The following PIK3CA variants were observed in gnomAD, a reference collection of about 807,000 sequenced individuals.
The protein encoded by PIK3CA is phosphatidylinositol 4,5-bisphosphate 3-kinase catalytic subunit alpha isoform.
PIK3CA carries 27 observed loss-of-function variants against 138.2 expected under a neutral mutation model. That is an observed-to-expected ratio of 0.20 (90% CI 0.14 to 0.27). The LOEUF is 0.27. PIK3CA is among the 10% of genes least tolerant of loss of function. The pLI is 1.00. For missense variants in PIK3CA, 544 were observed against 1,277.4 expected (o/e 0.43, Z 8.75); for synonymous variants, 358 against 413.2 (o/e 0.87, Z 1.62).
chr3:179,234,647 C>A lies in PIK3CA; in HGVS notation c.*283C>A, dbSNP rs577565711. On this transcript the variant is annotated 3_prime_UTR_variant, in exon 21 of 21. Transcript: ENST00000263967. This position sits in a 1 kb window ranked among gnomAD's most constrained non-coding sequence, Gnocchi z 5.1. ...GGTAAACTTTGAAGATTGTTTGTATCTTTTTTTAAAAAACAAAACAAAACA... is the reference window on the plus strand; with the variant it reads ...GGTAAACTTTGAAGATTGTTTGTATATTTTTTTAAAAAACAAAACAAAACA... The A allele has an allele frequency of 2.1e-5, 6 of 284,734 alleles. No individual in the cohort carries two copies. Among genetic ancestry groups the A allele is most frequent in the African/African-American group, 1.3e-4 (6 of 46,626 alleles). 17.6% of individuals were successfully genotyped at this position (284,734 alleles called of 1,614,324 possible).
intron 1 of PIK3CA, among the ~76,000 whole-genome samples, chr3:179,170,687 G>A (rs969996604): frequency 6.6e-6 from 1 of 152,128 alleles, no homozygotes; most frequent in Admixed American, 6.5e-5. Flanking sequence ...AAGAAAAGGA[G>A]TATTATTAGA....
chr3:179,223,183 A>C (rs527279768), intron 14 of PIK3CA, among the ~76,000 whole-genome samples: 40 of 152,348 alleles, frequency 2.6e-4, no homozygotes, highest in African/African-American at 9.1e-4. Context: ...CTATCTAGTC[A>C]GTGATGATTA....
intron 1 of PIK3CA, 25 bp from the exon 2 acceptor site, chr3:179,198,725 C>G (rs1724329139): frequency 1.7e-6 from 1 of 605,010 alleles, no homozygotes. Context: ...TCTCTTTTAA[C>G]ATATGTTTTC....
At chr3:179,170,076 GCACACACA>G (rs60084117) in intron 1 of PIK3CA, among the ~76,000 whole-genome samples, 44 of 139,210 alleles carry the variant, frequency 3.2e-4, no homozygotes, top group African/African-American at 1.3e-3. Context: ...ACGCGCGCGC[GCACACACA>G]CACACACACA....
chr3:179,179,796 A>G (rs1723793828), intron 1 of PIK3CA, among the ~76,000 whole-genome samples: 1 of 152,160 alleles, frequency 6.6e-6, no homozygotes. Flanking sequence ...TTTTGCCTTG[A>G]TTTTTGTTTT....
chr3:179,232,696 G>C (rs1725240046), intron 20 of PIK3CA, among the ~76,000 whole-genome samples: 1 of 151,744 alleles, frequency 6.6e-6, no homozygotes. Flanking sequence ...TCACCCCCTT[G>C]GTTAAGTACA....
Position 179,174,209 on chromosome 3 carries a change from G to A in PIK3CA, c.-76-24541G>A, listed in dbSNP as rs924420145. ...CATCAGGCCGAGCATGGTGGCTCATGCCTGTAATCCCAGCACTTTGGGAGG... is the reference window on the plus strand; with the variant it reads ...CATCAGGCCGAGCATGGTGGCTCATACCTGTAATCCCAGCACTTTGGGAGG... On this transcript the variant is annotated intron_variant, in intron 1 of 20. Transcript: ENST00000263967. Among the ~76,000 whole-genome samples the A allele has an allele frequency of 3.3e-5, 5 of 152,058 alleles. No homozygotes were observed. In the East Asian group the frequency reaches 7.7e-4, roughly 23 times the overall value.
chr3:179,233,369 G>A, intron 20 of PIK3CA: 1 of 397,768 alleles, frequency 2.5e-6, no homozygotes, highest in Non-Finnish European at 4.4e-6. Context: ...TTATTATTTT[G>A]AGGTAAGTCC....
chr3:179,163,343 G>A (rs1723332325), intron 1 of PIK3CA, among the ~76,000 whole-genome samples: 1 of 152,070 alleles, frequency 6.6e-6, no homozygotes, highest in African/African-American at 2.4e-5. Context: ...TCAAAAGGAG[G>A]AACAATCATT....
intron 9 of PIK3CA, among the ~76,000 whole-genome samples, chr3:179,211,360 T>C (rs1402091008): frequency 1.3e-5 from 2 of 152,170 alleles, no homozygotes; most frequent in Non-Finnish European, 2.9e-5. Flanking sequence ...AGCTCAAGCA[T>C]TGCATATATC....
chr3:179,149,336 C>T (rs1722947933), intron 1 of PIK3CA, among the ~76,000 whole-genome samples: 1 of 152,024 alleles, frequency 6.6e-6, no homozygotes, highest in Non-Finnish European at 1.5e-5. Context: ...AGGGTAGGGC[C>T]CGGGATTGGG....
At chr3:179,158,545 T>A (rs553784220) in intron 1 of PIK3CA, among the ~76,000 whole-genome samples, 29 of 152,302 alleles carry the variant, frequency 1.9e-4, no homozygotes, top group Non-Finnish European at 3.5e-4. Flanking sequence ...TGTCACATAG[T>A]CCTTATATTA....
chr3:179,207,972 C>A (rs1272685261), intron 6 of PIK3CA, among the ~76,000 whole-genome samples: 1 of 152,276 alleles, frequency 6.6e-6, no homozygotes, highest in Middle Eastern at 3.4e-3. Context: ...ATCACTTGAG[C>A]CCAGGAGTTC....
In PIK3CA at chr3:179,233,990, C is replaced by T. The variant is rs951322835; in HGVS notation, c.2937-104C>T. The T allele has an allele frequency of 8.3e-6, 6 of 726,226 alleles. No homozygotes were observed. In the Admixed American group the frequency reaches 1.5e-4, roughly 19 times the overall value. The allele number at this position is 726,226 out of a possible 1,614,324, so 45.0% of individuals were successfully genotyped here. A position where few individuals can be genotyped will look rare whatever the true frequency, so the allele number is the denominator to read the frequency against. On this transcript the variant is annotated intron_variant, in intron 20 of 20. Coordinates refer to ENST00000263967, the MANE Select transcript of PIK3CA (RefSeq NM_006218.4). ...AGAGAGGAATGCTATTTTTTTATAGCTTTGTCTACGAAAGCCTCTCTAATT... is the reference window on the plus strand; with the variant it reads ...AGAGAGGAATGCTATTTTTTTATAGTTTTGTCTACGAAAGCCTCTCTAATT...
At chr3:179,181,291 AGAAACATTATT>A (rs1216795398) in intron 1 of PIK3CA, among the ~76,000 whole-genome samples, 1 of 151,912 alleles carries the variant, frequency 6.6e-6, no homozygotes, top group Non-Finnish European at 1.5e-5. Context: ...TTCTGACCAA[AGAAACATTATT>A]TTTTTTTTAC....
At chr3:179,222,148 C>T (rs1033933501) in intron 14 of PIK3CA, among the ~76,000 whole-genome samples, 2 of 151,318 alleles carry the variant, frequency 1.3e-5, no homozygotes, top group Admixed American at 6.6e-5. Context: ...AAAGAAAAAT[C>T]GTATATTAGT....
At chr3:179,190,592 C>G (rs1159450086) in intron 1 of PIK3CA, among the ~76,000 whole-genome samples, 1 of 152,120 alleles carries the variant, frequency 6.6e-6, no homozygotes, top group East Asian at 1.9e-4. Context: ...TGTTCCAAAT[C>G]AGACTAAAGA....
In PIK3CA at chr3:179,222,602, G is replaced by A. The variant is rs191141586; in HGVS notation, c.2187+1445G>A. Among the ~76,000 whole-genome samples, 490 of 152,256 alleles carry A rather than the reference G, an allele frequency of 3.2e-3. 4 individuals carry two copies. Among genetic ancestry groups the A allele is most frequent in the Non-Finnish European group, 5.1e-3 (346 of 68,016 alleles). The stretch of plus-strand genomic sequence containing the variant: ...ATGGGATGCGAAAACACAAAACACA[G>A]TATCCAAAAAATGCTGGCCACACAG... On this transcript the variant is annotated intron_variant, in intron 14 of 20. Transcript: ENST00000263967.
chr3:179,156,808 C>A (rs76546540), intron 1 of PIK3CA, among the ~76,000 whole-genome samples: 24 of 152,216 alleles, frequency 1.6e-4, no homozygotes, highest in African/African-American at 5.8e-4. Flanking sequence ...TTTGAGAGTT[C>A]TTGCTTTTCC....
Sources: gnomAD v4.1 joint callset for allele counts (sites outside exome capture counted in the v4.1 genomes callset) on GRCh38, gnomAD v4.1.1 for gene constraint, Gnocchi (gnomAD v3.1) non-coding constraint, MANE v1.5 for transcripts, NCBI Gene and HGNC (gene_info 2026-07-23, HGNC 2026-07-21) for gene names.